The following WWOX variants were observed in gnomAD, a reference collection of about 807,000 sequenced individuals.
The protein encoded by WWOX is WW domain containing oxidoreductase.
In WWOX, 69 loss-of-function variants were observed where a neutral mutation model predicts 46.2. The observed-to-expected ratio is 1.49, with a 90% confidence interval of 1.23 to 1.82. The LOEUF is 1.82. Among genes scored for constraint, WWOX ranks in the 40% most tolerant of loss-of-function variants. The pLI is 0.00. For missense variants in WWOX, 919 were observed against 542.6 expected, an observed-to-expected ratio of 1.69 and a Z score of -6.89; for synonymous variants, 359 against 202.6, an observed-to-expected ratio of 1.77 and a Z score of -6.56.
intron 8 of WWOX, among the ~76,000 whole-genome samples, chr16:78,832,029 A>G (rs990087291): frequency 9.2e-5 from 14 of 152,326 alleles, no homozygotes; most frequent in African/African-American, 3.4e-4. Flanking sequence ...ATTGCTGCCT[A>G]ACAAATTACC....
At chr16:79,038,338 A>G (rs1214725404) in intron 8 of WWOX, among the ~76,000 whole-genome samples, 2 of 152,226 alleles carry the variant, frequency 1.3e-5, no homozygotes, top group Non-Finnish European at 2.9e-5. Context: ...AAATAAGAAG[A>G]AAATGCTTAT....
At chr16:79,033,924 C>T (rs767546102) in intron 8 of WWOX, among the ~76,000 whole-genome samples, 10 of 152,196 alleles carry the variant, frequency 6.6e-5, no homozygotes, top group Non-Finnish European at 1.3e-4. Context: ...GCTGGCTAGA[C>T]CATGTCACAG....
intron 8 of WWOX, among the ~76,000 whole-genome samples, chr16:78,915,685 C>T (rs1196683106): frequency 1.4e-5 from 1 of 71,548 alleles, no homozygotes; most frequent in African/African-American, 5.4e-5. Context: ...GTCTATTCCT[C>T]TCCAAAGCCA....
chr16:78,441,374 C>G (rs771674526), intron 8 of WWOX, among the ~76,000 whole-genome samples: 1 of 152,120 alleles, frequency 6.6e-6, no homozygotes, highest in Non-Finnish European at 1.5e-5. Context: ...AGTGAGAGTC[C>G]TTAATGTACT....
intron 6 of WWOX, among the ~76,000 whole-genome samples, chr16:78,399,041 A>G (rs2082353247): frequency 6.7e-6 from 1 of 148,566 alleles, no homozygotes; most frequent in Non-Finnish European, 1.5e-5. Flanking sequence ...GAAAGATGGA[A>G]CAGGTAAGTA....
chr16:78,556,775 G>A (rs189624805), intron 8 of WWOX, among the ~76,000 whole-genome samples: 3 of 152,172 alleles, frequency 2.0e-5, no homozygotes, highest in Admixed American at 6.5e-5. Flanking sequence ...GAGTGAAGTG[G>A]CATGATCTCG....
chr16:78,800,118 A>T (rs1038742402), intron 8 of WWOX, among the ~76,000 whole-genome samples: 2 of 152,196 alleles, frequency 1.3e-5, no homozygotes, highest in African/African-American at 4.8e-5. Flanking sequence ...CATAAATTTT[A>T]TCTTTGCACT....
At chr16:78,508,338 T>TTTTTTTTTTTTTTTTTTC (rs2085270252) in intron 8 of WWOX, among the ~76,000 whole-genome samples, 1 of 113,774 alleles carries the variant, frequency 8.8e-6, no homozygotes, top group African/African-American at 3.1e-5. Context: ...TTTTTTTTTT[T>TTTTTTTTTTTTTTTTTTC]TTAACGCTCA....
chr16:78,254,434 C>G (rs2038068617), intron 5 of WWOX, among the ~76,000 whole-genome samples: 2 of 128,460 alleles, frequency 1.6e-5, no homozygotes, highest in Non-Finnish European at 3.2e-5. Flanking sequence ...CCCAGAAAAT[C>G]CATGTTATCT....
At chr16:78,197,839 G>T (rs2036103725) in intron 5 of WWOX, among the ~76,000 whole-genome samples, 1 of 152,146 alleles carries the variant, frequency 6.6e-6, no homozygotes, top group Non-Finnish European at 1.5e-5. Flanking sequence ...TGATACCTTG[G>T]CAGAAGCAGA....
intron 5 of WWOX, among the ~76,000 whole-genome samples, chr16:78,195,865 G>C (rs1350551246): frequency 6.6e-6 from 1 of 151,264 alleles, no homozygotes; most frequent in East Asian, 1.9e-4. Flanking sequence ...TGAACATGTG[G>C]AATATGAGAC....
intron 8 of WWOX, among the ~76,000 whole-genome samples, chr16:79,173,057 A>G (rs2050732486): frequency 6.6e-6 from 1 of 152,134 alleles, no homozygotes; most frequent in African/African-American, 2.4e-5. Flanking sequence ...AATCCATTTC[A>G]TTGCATTGGA....
intron 8 of WWOX, among the ~76,000 whole-genome samples, chr16:78,601,441 GAA>G (rs58096899): frequency 1.4e-5 from 2 of 144,000 alleles, no homozygotes; most frequent in Admixed American, 6.9e-5. Context: ...CCAGCAGAGA[GAA>G]AAAAAAAAAA....
chr16:78,251,707 C>G (rs1418428026), intron 5 of WWOX, among the ~76,000 whole-genome samples: 4 of 152,174 alleles, frequency 2.6e-5, no homozygotes, highest in Admixed American at 6.5e-5. Context: ...CACTTCCTTG[C>G]TTGTTACCTT....
At chr16:78,425,849 AT>A (rs921103546) in intron 7 of WWOX, among the ~76,000 whole-genome samples, 80 of 152,244 alleles carry the variant, frequency 5.3e-4, no homozygotes, top group African/African-American at 1.9e-3. Context: ...AGAAAAAAAA[AT>A]AACGTGCAAG....
intron 8 of WWOX, among the ~76,000 whole-genome samples, chr16:79,174,058 A>T (rs1044679586): frequency 1.3e-5 from 2 of 152,222 alleles, no homozygotes; most frequent in Non-Finnish European, 2.9e-5. Flanking sequence ...TGGTGCTCAC[A>T]TACAGTCAGA....
intron 8 of WWOX, among the ~76,000 whole-genome samples, chr16:78,850,992 G>A (rs2052429145): frequency 6.6e-6 from 1 of 152,172 alleles, no homozygotes; most frequent in African/African-American, 2.4e-5. Context: ...TGCATGTAGT[G>A]TTTCTTTTGC....
intron 5 of WWOX, among the ~76,000 whole-genome samples, chr16:78,323,821 C>CT (rs777914594): frequency 1.3e-5 from 2 of 152,160 alleles, no homozygotes; most frequent in South Asian, 2.1e-4. Flanking sequence ...AATTGTAGAG[C>CT]TTTTTGAGCC....
intron 8 of WWOX, among the ~76,000 whole-genome samples, chr16:78,884,738 G>C (rs2044417642): frequency 6.6e-6 from 1 of 152,080 alleles, no homozygotes; most frequent in African/African-American, 2.4e-5. Flanking sequence ...CAAGCTACTG[G>C]GTGTGTTCAG....
Sources: gnomAD v4.1 joint callset for allele counts (sites outside exome capture counted in the v4.1 genomes callset) on GRCh38, gnomAD v4.1.1 for gene constraint, MANE v1.5 for transcripts, NCBI Gene and HGNC (gene_info 2026-07-23, HGNC 2026-07-21) for gene names.